Variants in DENND2B observed in about 807,000 individuals in gnomAD.
The protein encoded by DENND2B is DENN domain-containing protein 2B.
DENND2B carries 32 observed loss-of-function variants against 116.0 expected under a neutral mutation model. The observed-to-expected ratio is 0.28, with a 90% CI of 0.21 to 0.37. The LOEUF is 0.37. Among genes scored for constraint, DENND2B ranks in the 10% least tolerant of loss-of-function variants. The pLI is 1.00. For missense variants in DENND2B, 1,276 were observed against 1,477.7 expected, an observed-to-expected ratio of 0.86 and a Z score of 2.24; for synonymous variants, 588 against 583.9, an observed-to-expected ratio of 1.01 and a Z score of -0.10.
At chr11:8,732,298 G>C (rs1296857049) in intron 2 of DENND2B, among the ~76,000 whole-genome samples, 1 of 152,194 alleles carries the variant, frequency 6.6e-6, no homozygotes, top group African/African-American at 2.4e-5. Flanking sequence ...AGTCTATGAG[G>C]TTATCATGTT....
chr11:8,829,245 G>C (rs577558558), intron 4 of DENND2B, among the ~76,000 whole-genome samples: 1 of 152,126 alleles, frequency 6.6e-6, no homozygotes, highest in East Asian at 1.9e-4. Context: ...GAGGAGGTGG[G>C]AGAGGAGTGG....
chr11:8,891,111 T>C (rs908957867), intron 1 of DENND2B, among the ~76,000 whole-genome samples: 6 of 152,208 alleles, frequency 3.9e-5, no homozygotes, highest in African/African-American at 1.4e-4. Context: ...AAAAGAATTT[T>C]CAACCCAGAA....
chr11:8,908,822 C>G (rs2064271722), intron 1 of DENND2B, among the ~76,000 whole-genome samples: 1 of 152,152 alleles, frequency 6.6e-6, no homozygotes, highest in Non-Finnish European at 1.5e-5. Context: ...TTTTTATTCT[C>G]CTTTAGTCTG....
intron 1 of DENND2B, among the ~76,000 whole-genome samples, chr11:8,799,211 C>G (rs991533240): frequency 6.6e-6 from 1 of 152,132 alleles, no homozygotes; most frequent in African/African-American, 2.4e-5. Context: ...CCCTTCTTAC[C>G]TCCAATATCT....
rs5789583 is a variant in DENND2B, at chr11:8,716,650, C to CT, written c.1630-833dup. 9.6e-3 allele frequency among the ~76,000 whole-genome samples: 1,394 copies of CT among 145,090 alleles called. 6 individuals carry two copies. Among genetic ancestry groups the CT allele is most frequent in the Non-Finnish European group, 0.014 (938 of 65,802 alleles). Reference sequence around the variant, plus strand: ...AAAGAGTCCTAATTAGAGGGTAAATCTTTTTTTTTTTTTTTGAGACGGAGT... The same window carrying CT: ...AAAGAGTCCTAATTAGAGGGTAAATCTTTTTTTTTTTTTTTTGAGACGGAGT... On this transcript the variant is annotated intron_variant, in intron 5 of 19. Transcript: ENST00000313726.
chr11:8,786,833 C>G (rs958477371), intron 1 of DENND2B, among the ~76,000 whole-genome samples: 1 of 151,678 alleles, frequency 6.6e-6, no homozygotes, highest in African/African-American at 2.4e-5. Flanking sequence ...AACAAACAAA[C>G]AAACAACAAA....
rs1214746182 is a variant in DENND2B, at chr11:8,902,226, T to C, written c.-256+8595A>G. Among the ~76,000 whole-genome samples the C allele has an allele frequency of 1.3e-5, 2 of 151,170 alleles. 1 individual carries two copies. The highest frequency in any genetic ancestry group is 4.2e-4 in the South Asian group (2 of 4,810). On this transcript the variant is annotated intron_variant, in intron 1 of 22. Transcript: ENST00000534127. ...CTGTAATCCCAGCTACTCAGGAGGCTGAGGTAGGAGAATCACTTGAACCCA... is the reference window on the plus strand; with the variant it reads ...CTGTAATCCCAGCTACTCAGGAGGCCGAGGTAGGAGAATCACTTGAACCCA...
At chr11:8,719,892 G>T (rs955482230) in intron 4 of DENND2B, among the ~76,000 whole-genome samples, 1 of 152,166 alleles carries the variant, frequency 6.6e-6, no homozygotes, top group African/African-American at 2.4e-5. Flanking sequence ...CAACCTATAG[G>T]AAGCCTTGTC....
chr11:8,825,453 T>C (rs1325903620), intron 4 of DENND2B, among the ~76,000 whole-genome samples: 2 of 152,192 alleles, frequency 1.3e-5, no homozygotes, highest in African/African-American at 4.8e-5. Flanking sequence ...CAGTGTGCTG[T>C]TGAATTCTAT....
Position 8,693,995 on chromosome 11 carries a change from G to T in DENND2B, c.*101C>A, listed in dbSNP as rs190098119. On this transcript the variant is annotated 3_prime_UTR_variant, in exon 20 of 20. Coordinates refer to ENST00000313726, the MANE Select transcript of DENND2B (RefSeq NM_213618.2). ...GGCTGGCTTGGAGGATAGGATCTGT[G>T]GGGGCAGAGGAGCCACAGCAGCCCA... 15 of 1,284,154 alleles carry T rather than the reference G, an allele frequency of 1.2e-5. No homozygotes were observed. The East Asian group carries it at 1.6e-4, about 14-fold the overall frequency. The allele number at this position is 1,284,154 out of a possible 1,614,324, so 79.5% of individuals were successfully genotyped here. A position where few individuals can be genotyped will look rare whatever the true frequency, so the allele number is the denominator to read the frequency against.
chr11:8,845,243 ATAAC>A (rs1224496625), intron 3 of DENND2B: 2 of 152,220 alleles, frequency 1.3e-5, no homozygotes, highest in Non-Finnish European at 2.9e-5. Flanking sequence ...GTTCACATAA[ATAAC>A]TAAACAGAAG....
At chr11:8,734,163 A>C (rs1210951876) in intron 2 of DENND2B, among the ~76,000 whole-genome samples, 1 of 152,196 alleles carries the variant, frequency 6.6e-6, no homozygotes, top group East Asian at 1.9e-4. Context: ...ATTCTCTGTT[A>C]TCTGTCTGCA....
At chr11:8,888,078 G>A (rs2063982323) in intron 1 of DENND2B, among the ~76,000 whole-genome samples, 1 of 152,194 alleles carries the variant, frequency 6.6e-6, no homozygotes, top group African/African-American at 2.4e-5. Flanking sequence ...CATTTGCACA[G>A]CAGCATCTGT....
chr11:8,806,954 C>T (rs755497120), intron 1 of DENND2B, among the ~76,000 whole-genome samples: 9 of 151,982 alleles, frequency 5.9e-5, no homozygotes, highest in African/African-American at 1.5e-4. Context: ...CCTCCTGGCC[C>T]CTTCTCCACT....
At chr11:8,790,877 TC>T (rs1327156376) in intron 1 of DENND2B, among the ~76,000 whole-genome samples, 9 of 152,178 alleles carry the variant, frequency 5.9e-5, no homozygotes, top group Admixed American at 1.3e-4. Flanking sequence ...TTTTCTGAGT[TC>T]GCAAGTTCAC....
At chr11:8,884,647 A>AT (rs749233294) in intron 1 of DENND2B, among the ~76,000 whole-genome samples, 17 of 152,330 alleles carry the variant, frequency 1.1e-4, no homozygotes, top group Non-Finnish European at 1.5e-4. Flanking sequence ...CAAAACAGAG[A>AT]TAAGTCACAG....
At chr11:8,770,191 TTAGAG>T (rs1222495657) in intron 1 of DENND2B, among the ~76,000 whole-genome samples, 1 of 152,154 alleles carries the variant, frequency 6.6e-6, no homozygotes, top group Non-Finnish European at 1.5e-5. Flanking sequence ...GCAAAGTACT[TTAGAG>T]TACTTTATAC....
chr11:8,717,744 T>G lies in DENND2B; in HGVS notation c.1626A>C (p.Thr542=), dbSNP rs371103017. ...PQDRKYNSPP[T]QLSLKPNSQS... is the part of the protein sequence containing the mutation. ...GCCGATGTCAGGGCTGAGTTACCTG[T>G]GTGGGCGGGCTGTTGTACTTCCTGT... The change falls in exon 5 of 20, where the codon ACA becomes ACC. Residue 542 remains threonine, a synonymous_variant. Transcript: ENST00000313726. 88 of 1,562,968 alleles carry G rather than the reference T, an allele frequency of 5.6e-5. No individual in the cohort carries two copies. The highest frequency in any genetic ancestry group is 7.6e-5 in the Non-Finnish European group (87 of 1,149,240).
rs184466492 is a variant in DENND2B at position 8,905,266 on chromosome 11, A to G, written c.-256+5555T>C. Among the ~76,000 whole-genome samples, 4 of 152,316 alleles carry G rather than the reference A, an allele frequency of 2.6e-5. No individual in the cohort carries two copies. The East Asian group carries it at 7.7e-4, about 29-fold the overall frequency. ...CATTTATGGTGAATTGATTTTTGAC[A>G]AAGTTGCCAAGGGAATTTAATGAGA... is the stretch of plus-strand genomic sequence containing the variant. On this transcript the variant is annotated intron_variant, in intron 1 of 22. Transcript: ENST00000534127.
Sources: gnomAD v4.1 joint callset for allele counts (sites outside exome capture counted in the v4.1 genomes callset) on GRCh38, gnomAD v4.1.1 for gene constraint, MANE v1.5 for transcripts, NCBI Gene and HGNC (gene_info 2026-07-23, HGNC 2026-07-21) for gene names.